Variants in BRD10 observed in about 807,000 individuals in gnomAD.
BRD10 encodes uncharacterized bromodomain-containing protein 10.
At chr9:5,888,443 T>C in the BRD10 span, among the ~76,000 whole-genome samples, 483 of 152,398 alleles carry the variant, frequency 3.2e-3, 1 homozygote, top group Non-Finnish European at 5.7e-3. Context: ...AGACATCACT[T>C]GTTCTTTGTT....
At chr9:5,879,258 T>C in the BRD10 span, among the ~76,000 whole-genome samples, 1 of 151,794 alleles carries the variant, frequency 6.6e-6, no homozygotes, top group African/African-American at 2.4e-5. Context: ...AGGTCAGGAG[T>C]TCGAGACCAG....
the BRD10 span, chr9:5,968,073 G>T: frequency 6.4e-7 from 1 of 1,555,876 alleles, no homozygotes; most frequent in East Asian, 2.4e-5. Flanking sequence ...AACTTATTCT[G>T]GATCTCAGGT....
chr9:5,951,072 ACACACCCC>A, the BRD10 span, among the ~76,000 whole-genome samples: 1 of 131,912 alleles, frequency 7.6e-6, no homozygotes. Flanking sequence ...ACACACACAC[ACACACCCC>A]CACCCCACCC....
At chr9:5,963,214 C>G in the BRD10 span, among the ~76,000 whole-genome samples, 12 of 40,906 alleles carry the variant, frequency 2.9e-4, no homozygotes, top group African/African-American at 1.1e-3. Context: ...AGCAAAGTCT[C>G]AGGATACAAA....
the BRD10 span, among the ~76,000 whole-genome samples, chr9:5,947,163 G>C: frequency 2.0e-5 from 3 of 152,102 alleles, no homozygotes; most frequent in African/African-American, 7.2e-5. Context: ...ACTTTCAAGT[G>C]GCTGTATCTA....
chr9:5,897,525 G>A, the BRD10 span: 1 of 1,582,582 alleles, frequency 6.3e-7, no homozygotes, highest in Non-Finnish European at 8.7e-7. Flanking sequence ...ATGTTTCAAT[G>A]ACAAAGTGGA....
the BRD10 span, chr9:5,921,393 A>G: frequency 5.6e-6 from 9 of 1,613,958 alleles, no homozygotes; most frequent in Non-Finnish European, 6.8e-6. Context: ...GCTTTATGCA[A>G]TGGAGGAGGA....
chr9:5,961,763 G>A, the BRD10 span, among the ~76,000 whole-genome samples: 3 of 152,084 alleles, frequency 2.0e-5, no homozygotes, highest in Non-Finnish European at 4.4e-5. Context: ...TAAAAAGGAG[G>A]AAAGAAACCC....
chr9:5,908,716 C>A, the BRD10 span: 1 of 1,611,058 alleles, frequency 6.2e-7, no homozygotes, highest in Non-Finnish European at 8.5e-7. Flanking sequence ...TAAGAGCCAG[C>A]GAGACACCTG....
the BRD10 span, among the ~76,000 whole-genome samples, chr9:5,900,197 A>G: frequency 6.6e-6 from 1 of 152,166 alleles, no homozygotes; most frequent in Non-Finnish European, 1.5e-5. Context: ...GAAAAATAAC[A>G]GAGAGTCTTA....
At chr9:5,900,863 T>C in the BRD10 span, among the ~76,000 whole-genome samples, 1 of 152,224 alleles carries the variant, frequency 6.6e-6, no homozygotes, top group Admixed American at 6.5e-5. Context: ...AAAATACTTT[T>C]GATTCTTGGA....
chr9:5,944,835 G>A, the BRD10 span: 2 of 1,007,506 alleles, frequency 2.0e-6, no homozygotes, highest in East Asian at 2.9e-5. Context: ...TTTTAATGCT[G>A]ACAATAATAG....
At chr9:5,923,759 A>G in the BRD10 span, among the ~76,000 whole-genome samples, 2 of 152,198 alleles carry the variant, frequency 1.3e-5, no homozygotes, top group South Asian at 2.1e-4. Context: ...GACAAAAAAT[A>G]TCCAGCTTTT....
At chr9:5,943,863 AT>A in the BRD10 span, among the ~76,000 whole-genome samples, 1 of 152,172 alleles carries the variant, frequency 6.6e-6, no homozygotes. Context: ...TCTGTCACAC[AT>A]GAGACTTCTG....
chr9:5,951,777 A>C, the BRD10 span, among the ~76,000 whole-genome samples: 1 of 151,342 alleles, frequency 6.6e-6, no homozygotes. Flanking sequence ...AGTGACTAGC[A>C]CTATCTCCTA....
the BRD10 span, chr9:5,923,309 T>C: frequency 2.5e-6 from 4 of 1,581,580 alleles, no homozygotes; most frequent in Admixed American, 3.7e-5. Context: ...CTTCATATCA[T>C]CTGAAAATTA....
the BRD10 span, among the ~76,000 whole-genome samples, chr9:5,915,730 A>T: frequency 1.4e-4 from 21 of 152,090 alleles, no homozygotes; most frequent in African/African-American, 5.1e-4. Context: ...TTATTCCTCT[A>T]ACTTATTATT....
At chr9:5,996,910 A>G in the BRD10 span, among the ~76,000 whole-genome samples, 2 of 152,136 alleles carry the variant, frequency 1.3e-5, no homozygotes, top group Non-Finnish European at 2.9e-5. Context: ...TACTGTCTCA[A>G]TATGCTAATG....
chr9:5,954,237 C>T, the BRD10 span: 14 of 606,748 alleles, frequency 2.3e-5, no homozygotes, highest in Non-Finnish European at 5.8e-6. Flanking sequence ...TGAATCAAAA[C>T]AAGCCCCAGT....
Sources: gnomAD v4.1 joint callset for allele counts (sites outside exome capture counted in the v4.1 genomes callset) on GRCh38, gnomAD v4.1.1 for gene constraint, MANE v1.5 for transcripts, NCBI Gene and HGNC (gene_info 2026-07-23, HGNC 2026-07-21) for gene names.